The following UBL3 variants were observed in gnomAD, a reference collection of about 807,000 sequenced individuals.
UBL3 encodes the protein ubiquitin like 3.
UBL3 carries 6 observed loss-of-function variants against 18.4 expected under a neutral mutation model. The ratio of observed to expected loss-of-function variants is 0.33; its 90% CI spans 0.18 to 0.64. UBL3 has a LOEUF of 0.64. Ranked by LOEUF, UBL3 falls within the 30% of genes least tolerant of loss-of-function variation. The probability of loss-of-function intolerance (pLI) is 0.76; values close to 1 mark genes in which losing one functional copy is unlikely to be tolerated. For missense variants in UBL3, 109 were observed against 142.9 expected (o/e 0.76, Z 1.21); for synonymous variants, 49 against 46.6 (o/e 1.05, Z -0.21).
At chr13:29,844,755 G>A (rs1206036260) in intron 1 of UBL3, among the ~76,000 whole-genome samples, 1 of 152,010 alleles carries the variant, frequency 6.6e-6, no homozygotes, top group African/African-American at 2.4e-5. Flanking sequence ...ATATGCTTCA[G>A]TCTCCTAAAA....
At chr13:29,786,268 C>T (rs11147399) in intron 1 of UBL3, among the ~76,000 whole-genome samples, 8,823 of 152,246 alleles carry the variant, frequency 0.058, 381 homozygotes, top group East Asian at 0.19. Flanking sequence ...ACCACTCTTC[C>T]CCTCACTAGG....
intron 1 of UBL3, among the ~76,000 whole-genome samples, chr13:29,778,684 T>C (rs1412662892): frequency 2.6e-5 from 4 of 152,192 alleles, no homozygotes; most frequent in African/African-American, 9.7e-5. Context: ...ATTACAGCAG[T>C]CACTGATTTA....
chr13:29,776,261 C>CTTT (rs5741722), intron 2 of UBL3, among the ~76,000 whole-genome samples: 1 of 91,702 alleles, frequency 1.1e-5, no homozygotes. Context: ...TCTTTTCTTT[C>CTTT]TTTTTTTTTT....
intron 1 of UBL3, among the ~76,000 whole-genome samples, chr13:29,831,959 G>A (rs988241750): frequency 5.9e-5 from 9 of 151,894 alleles, no homozygotes; most frequent in Non-Finnish European, 1.3e-4. Context: ...GTAAAAATTC[G>A]CTTCCTCAAA....
chr13:29,830,871 A>G (rs1878753178), intron 1 of UBL3, among the ~76,000 whole-genome samples: 1 of 152,142 alleles, frequency 6.6e-6, no homozygotes, highest in Admixed American at 6.5e-5. Flanking sequence ...TATTAAAAAC[A>G]CTCTTGACCA....
chr13:29,793,259 T>C, intron 1 of UBL3, among the ~76,000 whole-genome samples: 1 of 152,106 alleles, frequency 6.6e-6, no homozygotes. Flanking sequence ...TATTCATAAA[T>C]AGGAAAGATT....
rs1327720463 is a variant in UBL3 at position 29,767,021 on chromosome 13, CA to C, written c.*233del. 1.4e-5 allele frequency: 5 copies of C among 362,636 alleles called. No individual in the cohort carries two copies. Among genetic ancestry groups the C allele is most frequent in the Non-Finnish European group, 2.4e-5 (5 of 204,856 alleles). The allele number at this position is 362,636 out of a possible 1,614,324, so 22.5% of individuals were successfully genotyped here. A position where few individuals can be genotyped will look rare whatever the true frequency, so the allele number is the denominator to read the frequency against. On this transcript the variant is annotated 3_prime_UTR_variant, in exon 5 of 5. Transcript: ENST00000380680. ...CTGGAGATTGACTGCATTCAAAAAC[CA>C]ATATGTGTTAAAACAGCTCAACAAA...
intron 1 of UBL3, among the ~76,000 whole-genome samples, chr13:29,801,456 G>A (rs922452156): frequency 5.3e-5 from 8 of 152,128 alleles, no homozygotes; most frequent in African/African-American, 1.7e-4. Context: ...ATTGTACAGA[G>A]GAGCTCAGCT....
intron 1 of UBL3, among the ~76,000 whole-genome samples, chr13:29,800,607 AAAG>A (rs944147204): frequency 2.9e-4 from 44 of 152,378 alleles, no homozygotes; most frequent in African/African-American, 1.0e-3. Flanking sequence ...CAACTAAAAA[AAAG>A]AAGATAAAAG....
chr13:29,767,544 C>A lies in UBL3; in HGVS notation c.301+74G>T, dbSNP rs893757790. The A allele has an allele frequency of 5.9e-6, 9 of 1,517,048 alleles. No homozygotes were observed. The African/African-American group carries it at 1.2e-4, about 21-fold the overall frequency. 94.0% of individuals were successfully genotyped at this position (1,517,048 alleles called of 1,614,324 possible). A position where few individuals can be genotyped will look rare whatever the true frequency, so the allele number is the denominator to read the frequency against. ...GCAAACTTCCCTTCCCTCAGCATAT[C>A]CAAGAAAAACCTAGCATTTTTGAAT... On this transcript the variant is annotated intron_variant, in intron 4 of 4. Coordinates refer to ENST00000380680, the MANE Select transcript of UBL3 (RefSeq NM_007106.4).
At chr13:29,819,713 A>G (rs1485526880) in intron 1 of UBL3, among the ~76,000 whole-genome samples, 1 of 152,192 alleles carries the variant, frequency 6.6e-6, no homozygotes, top group African/African-American at 2.4e-5. Context: ...AAAAAAGGTA[A>G]AAGTTAGAAG....
chr13:29,845,950 G>A (rs758392725), intron 1 of UBL3, among the ~76,000 whole-genome samples: 5 of 152,036 alleles, frequency 3.3e-5, no homozygotes, highest in Admixed American at 6.5e-5. Context: ...TAGCCTAAAT[G>A]TTGTATACAA....
intron 1 of UBL3, among the ~76,000 whole-genome samples, chr13:29,781,930 G>A (rs1360926868): frequency 1.3e-5 from 2 of 149,238 alleles, no homozygotes; most frequent in East Asian, 2.0e-4. Context: ...CCCAGAGTTC[G>A]AGGCTGTGGG....
chr13:29,799,444 A>C (rs1674565381), intron 1 of UBL3, among the ~76,000 whole-genome samples: 1 of 152,264 alleles, frequency 6.6e-6, no homozygotes, highest in Non-Finnish European at 1.5e-5. Flanking sequence ...AAATCATTTG[A>C]AAATAAGACT....
At chr13:29,830,080 G>A (rs770702117) in intron 1 of UBL3, among the ~76,000 whole-genome samples, 5 of 152,068 alleles carry the variant, frequency 3.3e-5, no homozygotes, top group African/African-American at 4.8e-5. Context: ...GTAATTATAA[G>A]TTATATAAGT....
intron 1 of UBL3, among the ~76,000 whole-genome samples, chr13:29,824,744 C>T (rs1278115502): frequency 1.3e-5 from 2 of 152,166 alleles, no homozygotes; most frequent in African/African-American, 4.8e-5. Context: ...GCTTTTGTTG[C>T]CATTGCTTTT....
At chr13:29,832,184 T>C (rs1226643711) in intron 1 of UBL3, among the ~76,000 whole-genome samples, 1 of 152,184 alleles carries the variant, frequency 6.6e-6, no homozygotes, top group East Asian at 1.9e-4. Flanking sequence ...TCAGAGTAAG[T>C]ACATAGTCTG....
At chr13:29,818,849 T>C (rs1011982353) in intron 1 of UBL3, among the ~76,000 whole-genome samples, 2 of 152,192 alleles carry the variant, frequency 1.3e-5, no homozygotes, top group African/African-American at 4.8e-5. Flanking sequence ...TTAACACTAA[T>C]CACATTCTGA....
intron 1 of UBL3, among the ~76,000 whole-genome samples, chr13:29,800,126 A>T (rs1877721898): frequency 6.6e-6 from 1 of 152,194 alleles, no homozygotes; most frequent in Admixed American, 6.5e-5. Context: ...GCTTATATTC[A>T]TGATTATTTA....
Sources: allele counts gnomAD v4.1 joint callset (sites outside exome capture counted in the v4.1 genomes callset), GRCh38; gene constraint gnomAD v4.1.1; transcripts MANE v1.5; gene names NCBI Gene and HGNC (gene_info 2026-07-23, HGNC 2026-07-21).